SV2C: variants seen among roughly 807,000 people sequenced by gnomAD.
The protein encoded by SV2C is solute carrier family 22 member B3.
Under a neutral mutation model 79.7 loss-of-function variants are expected in SV2C, and 49 were observed. The observed-to-expected ratio is 0.61, with a 90% confidence interval of 0.49 to 0.78. The LOEUF (loss-of-function observed/expected upper bound fraction) is 0.78, where lower values mean the gene tolerates loss of function less well. Ranked by LOEUF, SV2C falls within the 30% of genes least tolerant of loss-of-function variation. The probability of loss-of-function intolerance (pLI) is 0.00; values close to 1 mark genes in which losing one functional copy is unlikely to be tolerated. For missense variants in SV2C, 833 were observed against 912.9 expected (o/e 0.91, Z 1.13); for synonymous variants, 334 against 333.2 (o/e 1.00, Z -0.03).
At chr5:76,230,118 T>C (rs1180798102) in intron 4 of SV2C, among the ~76,000 whole-genome samples, 1 of 152,210 alleles carries the variant, frequency 6.6e-6, no homozygotes, top group Admixed American at 6.5e-5. Flanking sequence ...GGTAATTTGA[T>C]ACATCATAAA....
Position 76,143,542 on chromosome 5 carries a change from C to T in SV2C, c.580+11212C>T, listed in dbSNP as rs144456397. On this transcript the variant is annotated intron_variant, in intron 2 of 12. Transcript: ENST00000502798. ...AGTGCTTCCCAGGCATTCCTTAAAA[C>T]ATGTGCCTTACCACACTCCAGACAA... Among the ~76,000 whole-genome samples the T allele has an allele frequency of 1.4e-3, 208 of 152,284 alleles. 2 individuals carry two copies. Among genetic ancestry groups the T allele is most frequent in the African/African-American group, 4.4e-3 (182 of 41,572 alleles).
chr5:76,159,373 GAA>G (rs757372279), intron 2 of SV2C, among the ~76,000 whole-genome samples: 3 of 152,108 alleles, frequency 2.0e-5, no homozygotes, highest in Non-Finnish European at 4.4e-5. Flanking sequence ...CGTGTATATG[GAA>G]AATCCCAGGG....
chr5:76,234,582 T>C (rs2112407038), intron 4 of SV2C, among the ~76,000 whole-genome samples: 1 of 152,356 alleles, frequency 6.6e-6, no homozygotes, highest in South Asian at 2.1e-4. Flanking sequence ...CACTTCATCA[T>C]AACAACCTGA....
the SV2C span, chr5:75,921,189 A>G: frequency 2.0e-6 from 2 of 997,316 alleles, no homozygotes; most frequent in Non-Finnish European, 3.1e-6. Context: ...TGCCCGTGGA[A>G]CTTGAGCCAG....
At chr5:76,090,744 A>G (rs1428489088) in intron 1 of SV2C, among the ~76,000 whole-genome samples, 1 of 152,170 alleles carries the variant, frequency 6.6e-6, no homozygotes, top group Non-Finnish European at 1.5e-5. Flanking sequence ...ATCTCTTCCA[A>G]TATTTAGGTT....
At chr5:76,011,692 A>G in the SV2C span, among the ~76,000 whole-genome samples, 27 of 152,084 alleles carry the variant, frequency 1.8e-4, no homozygotes, top group African/African-American at 6.5e-4. Context: ...TACACGTGCC[A>G]TGGTGGTTTG....
the SV2C span, among the ~76,000 whole-genome samples, chr5:76,070,932 A>C: frequency 2.0e-5 from 3 of 152,140 alleles, no homozygotes; most frequent in Admixed American, 6.5e-5. Context: ...GAGATGAGTT[A>C]CCTCTTCTGG....
rs1285232714 is a variant in SV2C, at chr5:76,294,301, TCTC to T, written c.1338-1476_1338-1474del. ...TACATTTTGTTTCATTCATTCTCTC[TCTC>T]TTTTTTTTTTTTTTTTTTGATGGAG... On this transcript the variant is annotated intron_variant, in intron 8 of 12. Transcript: ENST00000502798. Among the ~76,000 whole-genome samples, 569 of 127,340 alleles carry T rather than the reference TCTC, an allele frequency of 4.5e-3. 2 individuals carry two copies. The highest frequency in any genetic ancestry group is 0.012 in the Middle Eastern group (3 of 248). 83.5% of individuals were successfully genotyped at this position (127,340 alleles called of 152,430 possible). A position where few individuals can be genotyped will look rare whatever the true frequency, so the allele number is the denominator to read the frequency against.
At chr5:75,929,419 C>T in the SV2C span, among the ~76,000 whole-genome samples, 1 of 151,824 alleles carries the variant, frequency 6.6e-6, no homozygotes, top group Non-Finnish European at 1.5e-5. Context: ...GCGGCATCTG[C>T]TTGGGGGAAC....
At chr5:76,298,464 C>G (rs527358969) in intron 9 of SV2C, among the ~76,000 whole-genome samples, 6 of 152,210 alleles carry the variant, frequency 3.9e-5, no homozygotes, top group African/African-American at 1.4e-4. Flanking sequence ...GGATTAAAAC[C>G]TAAAGAATAG....
the SV2C span, among the ~76,000 whole-genome samples, chr5:75,999,639 C>T: frequency 8.3e-6 from 1 of 120,970 alleles, no homozygotes; most frequent in Non-Finnish European, 1.7e-5. Context: ...GGGTGAATTC[C>T]TCTCTTCTCT....
At chr5:76,247,489 AC>A (rs1459273926) in intron 4 of SV2C, among the ~76,000 whole-genome samples, 1 of 152,248 alleles carries the variant, frequency 6.6e-6, no homozygotes, top group Non-Finnish European at 1.5e-5. Context: ...AACATTGTTT[AC>A]TGAGTACAGC....
At chr5:75,907,967 G>T in the SV2C span, among the ~76,000 whole-genome samples, 1 of 152,208 alleles carries the variant, frequency 6.6e-6, no homozygotes, top group Non-Finnish European at 1.5e-5. Flanking sequence ...TAATGGGAGA[G>T]AGTGGATTTA....
intron 4 of SV2C, among the ~76,000 whole-genome samples, chr5:76,241,001 G>A (rs548863385): frequency 6.6e-6 from 1 of 151,884 alleles, no homozygotes; most frequent in Non-Finnish European, 1.5e-5. Context: ...TGTCACCCAG[G>A]TTGCAGTGGC....
intron 4 of SV2C, among the ~76,000 whole-genome samples, chr5:76,281,974 G>A (rs1019338666): frequency 7.9e-5 from 12 of 152,158 alleles, no homozygotes; most frequent in Non-Finnish European, 1.3e-4. Flanking sequence ...ACATCTTTAG[G>A]GGTGAGGGAA....
chr5:76,214,184 T>G (rs911976077), intron 4 of SV2C, among the ~76,000 whole-genome samples: 1 of 152,218 alleles, frequency 6.6e-6, no homozygotes, highest in Non-Finnish European at 1.5e-5. Context: ...TTTAAGTCTT[T>G]AATCCATTTT....
intron 2 of SV2C, among the ~76,000 whole-genome samples, chr5:76,172,519 C>T (rs1270046415): frequency 9.4e-5 from 7 of 74,656 alleles, no homozygotes; most frequent in South Asian, 5.3e-4. Flanking sequence ...AGCCCCTCTG[C>T]CCGGCCACCA....
chr5:76,217,124 T>G (rs1325929503), intron 4 of SV2C, among the ~76,000 whole-genome samples: 2 of 152,214 alleles, frequency 1.3e-5, no homozygotes, highest in Non-Finnish European at 2.9e-5. Context: ...AATAGCCCCA[T>G]GGCCTCTATC....
the SV2C span, among the ~76,000 whole-genome samples, chr5:75,851,195 A>G: frequency 6.6e-6 from 1 of 152,240 alleles, no homozygotes; most frequent in Non-Finnish European, 1.5e-5. Flanking sequence ...ATCATCTAAC[A>G]GTAGCTCATT....
Sources: gnomAD v4.1 joint callset for allele counts (sites outside exome capture counted in the v4.1 genomes callset) on GRCh38, gnomAD v4.1.1 for gene constraint, MANE v1.5 for transcripts, NCBI Gene and HGNC (gene_info 2026-07-23, HGNC 2026-07-21) for gene names.